Variants in PNKD observed in about 807,000 individuals in gnomAD.
PNKD encodes the protein probable thioesterase PNKD.
A neutral mutation model predicts 45.3 loss-of-function variants in PNKD; 36 were observed. That is an observed-to-expected ratio of 0.80 (90% CI 0.61 to 1.05). PNKD has a LOEUF of 1.05. Among genes scored for constraint, PNKD ranks in the 50% least tolerant of loss-of-function variants. The probability of loss-of-function intolerance (pLI) is 0.00; values close to 1 mark genes in which losing one functional copy is unlikely to be tolerated. For missense variants in PNKD, 511 were observed against 506.6 expected (o/e 1.01, Z -0.08); for synonymous variants, 197 against 210.1 (o/e 0.94, Z 0.54).
Position 218,341,585 on chromosome 2 carries a change from G to A in PNKD, c.576G>A (p.Arg192=). ...RDLSRRHRDC[R]VYGSPQDGIP... is the part of the protein sequence containing the mutation. ...TCAGCCGGCGGCACCGGGACTGTCG[G>A]GTGTACGGGAGCCCTCAGGACGGCA... Residue 192 remains arginine (R), a synonymous_variant, in exon 6 of 10, where the codon CGG becomes CGA. Transcript: ENST00000273077. The A allele has an allele frequency of 6.3e-7, 1 of 1,597,946 alleles. No individual in the cohort carries two copies. The highest frequency in any genetic ancestry group is 2.3e-5 in the East Asian group (1 of 43,934).
At chr2:218,273,359 C>T (rs932496115) in intron 2 of PNKD, among the ~76,000 whole-genome samples, 1 of 152,080 alleles carries the variant, frequency 6.6e-6, no homozygotes, top group African/African-American at 2.4e-5. Context: ...GCAACCTCCA[C>T]CTCCTGGGCT....
At chr2:218,295,362 A>T (rs1458395313) in intron 2 of PNKD, among the ~76,000 whole-genome samples, 1 of 152,192 alleles carries the variant, frequency 6.6e-6, no homozygotes, top group Non-Finnish European at 1.5e-5. Flanking sequence ...AAAATGACAG[A>T]TTATTACAAT....
At chr2:218,344,203 G>A (rs1014230804) in intron 8 of PNKD, among the ~76,000 whole-genome samples, 11 of 152,188 alleles carry the variant, frequency 7.2e-5, no homozygotes, top group Admixed American at 2.6e-4. Context: ...GTGGAGTCAG[G>A]GCTAGATGCA....
chr2:218,295,819 T>C (rs913923709), intron 2 of PNKD, among the ~76,000 whole-genome samples: 4 of 150,628 alleles, frequency 2.7e-5, no homozygotes, highest in Admixed American at 6.7e-5. Flanking sequence ...AGGCAACCAG[T>C]TTGAGCTTCA....
rs1351709957 is a variant in PNKD at position 218,345,535 on chromosome 2, A to C, written c.*554A>C. 6.5e-6 allele frequency: 1 copy of C among 153,594 alleles called. No individual in the cohort carries two copies. Among genetic ancestry groups the C allele is most frequent in the Admixed American group, 6.5e-5 (1 of 15,432 alleles). The allele number at this position is 153,594 out of a possible 1,614,324, so 9.5% of individuals were successfully genotyped here. On this transcript the variant is annotated 3_prime_UTR_variant, in exon 10 of 10. Transcript: ENST00000273077. ...GCCTCCCTGCCCCACCCATCCCTGC[A>C]AAGCCATTTTTCAGACAGAGCCATT...
chr2:218,340,988 C>T lies in PNKD; in HGVS notation c.524+202C>T. The stretch of plus-strand genomic sequence containing the variant: ...ACTCCATTGATCAAGCTTCTGAAGC[C>T]CCAGAGGGCAGGGCAGTCATTTCTC... On this transcript the variant is annotated intron_variant, in intron 5 of 9. Transcript: ENST00000273077. This position sits in a 1 kb window ranked among gnomAD's most constrained non-coding sequence, Gnocchi z 4.2. 1.6e-6 allele frequency: 1 copy of T among 625,042 alleles called. No homozygotes were observed. Among genetic ancestry groups the T allele is most frequent in the Non-Finnish European group, 2.9e-6 (1 of 348,748 alleles). 38.7% of individuals were successfully genotyped at this position (625,042 alleles called of 1,614,324 possible).
chr2:218,271,636 G>T, intron 2 of PNKD, 87 bp downstream of exon 2: 1 of 1,231,066 alleles, frequency 8.1e-7, no homozygotes. Context: ...GTTTCAGGTG[G>T]CGAGCTGAAT....
At chr2:218,331,991 C>A (rs908222665) in intron 2 of PNKD, among the ~76,000 whole-genome samples, 1 of 152,068 alleles carries the variant, frequency 6.6e-6, no homozygotes, top group Non-Finnish European at 1.5e-5. Context: ...CTTGGGAGCA[C>A]GGGATTATCA....
At chr2:218,277,235 G>A (rs1691310450) in intron 2 of PNKD, 1 of 1,161,254 alleles carries the variant, frequency 8.6e-7, no homozygotes, top group East Asian at 2.3e-5. Flanking sequence ...GACAGAAACA[G>A]GACACAGTTT....
At chr2:218,342,254 C>T (rs988094226) in intron 7 of PNKD, 110 bp downstream of exon 7, 2 of 889,986 alleles carry the variant, frequency 2.2e-6, no homozygotes, top group Admixed American at 4.0e-5. Context: ...ACAGATGTTG[C>T]CGTGGCAGTT....
At chr2:218,306,873 C>A (rs913301580) in intron 2 of PNKD, among the ~76,000 whole-genome samples, 6 of 152,228 alleles carry the variant, frequency 3.9e-5, no homozygotes, top group Admixed American at 6.5e-5. Flanking sequence ...GGTCATCTGA[C>A]AAACACAGAT....
intron 2 of PNKD, among the ~76,000 whole-genome samples, chr2:218,283,446 TAGG>T (rs897472095): frequency 6.6e-6 from 1 of 152,124 alleles, no homozygotes; most frequent in Non-Finnish European, 1.5e-5. Flanking sequence ...GATGCAGGCT[TAGG>T]AGGAGCTAAG....
At chr2:218,297,083 T>C (rs1474325981) in intron 2 of PNKD, among the ~76,000 whole-genome samples, 2 of 152,192 alleles carry the variant, frequency 1.3e-5, no homozygotes, top group Non-Finnish European at 2.9e-5. Flanking sequence ...CAATGTCTCA[T>C]TCACCCCTAG....
chr2:218,324,371 C>T (rs1188961551), intron 2 of PNKD, among the ~76,000 whole-genome samples: 2 of 152,200 alleles, frequency 1.3e-5, no homozygotes, highest in Admixed American at 6.5e-5. Context: ...CCCGAGCTTC[C>T]GAGCAGACAT....
chr2:218,328,998 G>A (rs529683284), intron 2 of PNKD, among the ~76,000 whole-genome samples: 5 of 152,204 alleles, frequency 3.3e-5, no homozygotes, highest in Admixed American at 1.3e-4. Context: ...TCTTGAGGCC[G>A]AGAGTTTGAG....
At chr2:218,336,272 T>C (rs1168340472) in intron 2 of PNKD, among the ~76,000 whole-genome samples, 1 of 151,512 alleles carries the variant, frequency 6.6e-6, no homozygotes, top group Non-Finnish European at 1.5e-5. Context: ...TATGAAGCTT[T>C]TTTTCTTCTA....
intron 2 of PNKD, among the ~76,000 whole-genome samples, chr2:218,328,815 C>A (rs893659128): frequency 6.6e-6 from 1 of 152,230 alleles, no homozygotes; most frequent in Non-Finnish European, 1.5e-5. Context: ...CCAGACCGCC[C>A]CCAGCACTGT....
chr2:218,339,423 G>A (rs896899432), intron 2 of PNKD, among the ~76,000 whole-genome samples: 3 of 151,362 alleles, frequency 2.0e-5, no homozygotes, highest in South Asian at 2.1e-4. Flanking sequence ...ACAGGGTTTC[G>A]CCATGTTAGT....
At chr2:218,275,451 C>G (rs376693165) in intron 2 of PNKD, 2 of 1,604,454 alleles carry the variant, frequency 1.2e-6, no homozygotes, top group African/African-American at 1.3e-5. Flanking sequence ...AGCCCAGGAT[C>G]GGGTGAAAAT....
Sources: allele counts gnomAD v4.1 joint callset (sites outside exome capture counted in the v4.1 genomes callset), GRCh38; gene constraint gnomAD v4.1.1; non-coding constraint Gnocchi (gnomAD v3.1); transcripts MANE v1.5; gene names NCBI Gene and HGNC (gene_info 2026-07-23, HGNC 2026-07-21).